Variants in CNNM1 observed in about 807,000 individuals in gnomAD.
CNNM1 encodes the protein metal transporter CNNM1.
Under a neutral mutation model 78.8 loss-of-function variants are expected in CNNM1, and 44 were observed. The ratio of observed to expected loss-of-function variants is 0.56; its 90% CI spans 0.44 to 0.72. CNNM1 has a LOEUF of 0.72. CNNM1 is among the 30% of genes least tolerant of loss of function. The pLI, the probability that CNNM1 is intolerant of heterozygous loss-of-function variation, is 0.00. For missense variants in CNNM1, 1,101 were observed against 1,292.2 expected, an observed-to-expected ratio of 0.85 and a Z score of 2.27; for synonymous variants, 584 against 581.5, an observed-to-expected ratio of 1.00 and a Z score of -0.06.
At chr10:99,338,632 A>G (rs768818896) in intron 1 of CNNM1, among the ~76,000 whole-genome samples, 10 of 152,184 alleles carry the variant, frequency 6.6e-5, no homozygotes, top group Non-Finnish European at 1.5e-4. Context: ...TAATTTATAC[A>G]GAAAAAAATT....
At chr10:99,349,798 A>G (rs2030864405) in intron 1 of CNNM1, among the ~76,000 whole-genome samples, 1 of 152,228 alleles carries the variant, frequency 6.6e-6, no homozygotes, top group African/African-American at 2.4e-5. Flanking sequence ...CAGGAGATCG[A>G]GACCATCCTG....
At chr10:99,361,738 T>G (rs2031441234) in intron 3 of CNNM1, among the ~76,000 whole-genome samples, 1 of 152,224 alleles carries the variant, frequency 6.6e-6, no homozygotes, top group African/African-American at 2.4e-5. Flanking sequence ...TATATAAATA[T>G]GATGCAATGA....
At chr10:99,365,393 G>T (rs1205827593) in intron 6 of CNNM1, among the ~76,000 whole-genome samples, 1 of 152,212 alleles carries the variant, frequency 6.6e-6, no homozygotes, top group Non-Finnish European at 1.5e-5. Flanking sequence ...TGCTATTATT[G>T]TGTCTGTGGG....
chr10:99,345,881 A>T (rs1244166705), intron 1 of CNNM1, among the ~76,000 whole-genome samples: 1 of 151,776 alleles, frequency 6.6e-6, no homozygotes, highest in African/African-American at 2.4e-5. Flanking sequence ...TTTTTAAGAG[A>T]TGGGGGTCTT....
At chr10:99,356,600 G>GAAAGAAAAGA (rs201882984) in intron 1 of CNNM1, among the ~76,000 whole-genome samples, 3,363 of 128,792 alleles carry the variant, frequency 0.026, 57 homozygotes, top group African/African-American at 0.033. Context: ...AAGAAAGAAA[G>GAAAGAAAAGA]AAAGAAAAGA....
intron 6 of CNNM1, among the ~76,000 whole-genome samples, chr10:99,376,070 C>G (rs1466622899): frequency 6.6e-6 from 1 of 152,218 alleles, no homozygotes; most frequent in Non-Finnish European, 1.5e-5. Context: ...CAGATGATCC[C>G]AGTGCCCCCC....
chr10:99,387,940 A>G lies in CNNM1; in HGVS notation c.2461A>G (p.Thr821Ala). Residue 821 changes from threonine to alanine, a missense_variant, in exon 8 of 11, where the codon ACA (threonine) becomes GCA (alanine). Thr to Ala is a moderately conservative substitution (Grantham distance 58). Coordinates refer to ENST00000356713, the MANE Select transcript of CNNM1 (RefSeq NM_020348.3). ...CACTAAGGCCCCCACAACCCGGGGC[A>G]CACCCCAGACCCCTAAGGATGACCC... The part of the protein sequence containing the change: ...DSTKAPTTRG[T>A]PQTPKDDPAI... The G allele has an allele frequency of 6.2e-7, 1 of 1,612,238 alleles. No homozygotes were observed. Among genetic ancestry groups the G allele is most frequent in the East Asian group, 2.2e-5 (1 of 44,882 alleles).
rs2032551393 is a variant in CNNM1 at position 99,394,097 on chromosome 10, GTCT to G, written c.*2584_*2586del. ...TGGCCCCGGGGTGCCTGCCTGGCTG[GTCT>G]TCATCACCTGAGGCCACCAGGCTCA... On this transcript the variant is annotated 3_prime_UTR_variant, in exon 11 of 11. Coordinates refer to ENST00000356713, the MANE Select transcript of CNNM1 (RefSeq NM_020348.3). 1 of 152,430 alleles carries G rather than the reference GTCT, an allele frequency of 6.6e-6. No individual in the cohort carries two copies. Among genetic ancestry groups the G allele is most frequent in the Admixed American group, 6.5e-5 (1 of 15,268 alleles). 9.4% of individuals were successfully genotyped at this position (152,430 alleles called of 1,614,324 possible).
At chr10:99,366,635 A>T (rs776103423) in intron 6 of CNNM1, among the ~76,000 whole-genome samples, 3 of 152,284 alleles carry the variant, frequency 2.0e-5, no homozygotes, top group Middle Eastern at 3.4e-3. Flanking sequence ...TACAAAAATT[A>T]GCCAGGCATG....
rs1023920107 is a variant in CNNM1 at position 99,369,491 on chromosome 10, G to A, written c.2176+4489G>A. On this transcript the variant is annotated intron_variant, in intron 6 of 10. Transcript: ENST00000356713. ...CCATATCCTCAGTCATCGAGAAATC[G>A]CTTATGTTTCTCTGTCTATATAGTA... Among the ~76,000 whole-genome samples the A allele has an allele frequency of 6.8e-4, 103 of 152,054 alleles. 3 individuals are homozygous for A. Among genetic ancestry groups the A allele is most frequent in the East Asian group, 9.6e-4 (5 of 5,198 alleles).
chr10:99,361,009 C>A, intron 3 of CNNM1, 34 bp downstream of exon 3: 1 of 1,569,056 alleles, frequency 6.4e-7, no homozygotes. Context: ...GAAGCTAAAA[C>A]AGAATCTCTA....
intron 10 of CNNM1, among the ~76,000 whole-genome samples, chr10:99,390,829 A>C (rs1273467476): frequency 2.0e-5 from 3 of 152,242 alleles, no homozygotes; most frequent in African/African-American, 7.2e-5. Flanking sequence ...CAGGAGACTC[A>C]ATAGAAAGAG....
At chr10:99,343,972 C>T (rs548874508) in intron 1 of CNNM1, among the ~76,000 whole-genome samples, 7 of 151,292 alleles carry the variant, frequency 4.6e-5, no homozygotes, top group African/African-American at 1.7e-4. Context: ...ATCAGCCCGC[C>T]TTGGCCTCCC....
intron 4 of CNNM1, among the ~76,000 whole-genome samples, chr10:99,364,124 T>C (rs766988903): frequency 6.6e-6 from 1 of 152,182 alleles, no homozygotes; most frequent in Non-Finnish European, 1.5e-5. Context: ...CTGGATTAGC[T>C]GGTGCTTAGG....
chr10:99,333,979 A>G (rs1000648807), intron 1 of CNNM1, among the ~76,000 whole-genome samples: 3 of 152,204 alleles, frequency 2.0e-5, no homozygotes, highest in African/African-American at 4.8e-5. Flanking sequence ...CAAGGAAGAT[A>G]TTTCCACTTC....
chr10:99,329,489 GC>G lies in CNNM1; in HGVS notation c.107del (p.Pro36ArgfsTer198). On this transcript the variant is annotated frameshift_variant, in exon 1 of 11. Coordinates refer to ENST00000356713, the MANE Select transcript of CNNM1 (RefSeq NM_020348.3). LOFTEE classifies it high-confidence loss of function. Reference protein sequence around the residue: ...LLLFFSLSPRPPAAAAWLLGL... With the variant: ...LLLFFSLSPRXPAAAAWLLGL... ...TGCTCTTCTTTTCCCTGTCTCCTCG[GC>G]CCCCGGCCGCCGCCGCCTGGCTGCT... The G allele has an allele frequency of 2.7e-6, 4 of 1,501,250 alleles. No homozygotes were observed. The Admixed American group carries it at 6.3e-5, about 24-fold the overall frequency. 93.0% of individuals were successfully genotyped at this position (1,501,250 alleles called of 1,614,324 possible). A position where few individuals can be genotyped will look rare whatever the true frequency, so the allele number is the denominator to read the frequency against.
chr10:99,390,636 A>G (rs1339853473), intron 10 of CNNM1, among the ~76,000 whole-genome samples: 2 of 152,238 alleles, frequency 1.3e-5, no homozygotes, highest in Non-Finnish European at 1.5e-5. Context: ...TCTGCACACC[A>G]TGCCCACAGG....
rs2032473971 is a variant in CNNM1, at chr10:99,391,586, A to G, written c.*70A>G. The G allele has an allele frequency of 1.5e-6, 2 of 1,342,832 alleles. No homozygotes were observed. The highest frequency in any genetic ancestry group is 3.6e-5 in the Admixed American group (2 of 54,944). 83.2% of individuals were successfully genotyped at this position (1,342,832 alleles called of 1,614,324 possible). On this transcript the variant is annotated 3_prime_UTR_variant, in exon 11 of 11. Coordinates refer to ENST00000356713, the MANE Select transcript of CNNM1 (RefSeq NM_020348.3). The stretch of plus-strand genomic sequence containing the variant: ...TTGGGGGAGAATCCACCCTCCCATC[A>G]TCTGCTTCCCCCAAGGCCTCCCACA...
In CNNM1 at chr10:99,391,472, A is replaced by G. The variant is rs1167237772; in HGVS notation, c.2812A>G (p.Arg938Gly). 2 of 1,613,998 alleles carry G rather than the reference A, an allele frequency of 1.2e-6. No homozygotes were observed. Among genetic ancestry groups the G allele is most frequent in the Non-Finnish European group, 1.7e-6 (2 of 1,179,876 alleles). The change falls in exon 11 of 11, where the codon AGA (arginine) becomes GGA (glycine). Residue 938 changes from arginine (R) to glycine (G), a missense_variant. Transcript: ENST00000356713. The part of the protein sequence containing the change: ...QKRKRSPEGE[R>G]TSEDNSNLTP... Reference sequence around the variant, plus strand: ...AAGGAAGAGGTCACCAGAAGGAGAGAGAACCTCTGAGGACAACTCCAATTT... The same window carrying G: ...AAGGAAGAGGTCACCAGAAGGAGAGGGAACCTCTGAGGACAACTCCAATTT...
Sources: allele counts gnomAD v4.1 joint callset (sites outside exome capture counted in the v4.1 genomes callset), GRCh38; gene constraint gnomAD v4.1.1; transcripts MANE v1.5; gene names NCBI Gene and HGNC (gene_info 2026-07-23, HGNC 2026-07-21).